The following TMEM200A variants were observed in gnomAD, a reference collection of about 807,000 sequenced individuals.
TMEM200A encodes transmembrane protein 200A.
A neutral mutation model predicts 24.3 loss-of-function variants in TMEM200A; 12 were observed. The observed-to-expected ratio is 0.49, with a 90% CI of 0.32 to 0.80. TMEM200A has a LOEUF of 0.80. TMEM200A is among the 30% of genes least tolerant of loss of function. TMEM200A has a pLI of 0.04. For synonymous variants in TMEM200A, 224 were observed against 224.4 expected, an observed-to-expected ratio of 1.00 and a Z score of 0.02; for missense variants, 545 against 614.4, an observed-to-expected ratio of 0.89 and a Z score of 1.19.
At chr6:130,369,288 A>G (rs1778257969) in intron 1 of TMEM200A, among the ~76,000 whole-genome samples, 1 of 152,212 alleles carries the variant, frequency 6.6e-6, no homozygotes. Flanking sequence ...GCTGGGACTA[A>G]TACTGCAAAG....
intron 2 of TMEM200A, among the ~76,000 whole-genome samples, chr6:130,433,136 CT>C (rs34311658): frequency 3.8e-3 from 520 of 138,312 alleles, no homozygotes; most frequent in African/African-American, 4.8e-3. Context: ...AAAAGATGAT[CT>C]TTTTTTTTTT....
At position 130,441,156 on chromosome 6, in the gene TMEM200A, C is replaced by A; in HGVS notation, c.734C>A (p.Pro245His). ...AAGAGTTCTGGGCATCTTATGCCCCCTTTGCTCTCTGACAGCTCTGTGTCT... is the reference window on the plus strand; with the variant it reads ...AAGAGTTCTGGGCATCTTATGCCCCATTTGCTCTCTGACAGCTCTGTGTCT... The part of the protein sequence containing the change: ...EGKSSGHLMP[P>H]LLSDSSVSVF... The change falls in exon 3 of 3, where the codon CCT (proline) becomes CAT (histidine). Residue 245 changes from proline to histidine, a missense_variant. Pro to His is a moderately conservative substitution (Grantham distance 77). Transcript: ENST00000296978. The A allele has an allele frequency of 6.2e-7, 1 of 1,614,058 alleles. No individual in the cohort carries two copies. The highest frequency in any genetic ancestry group is 1.7e-5 in the Admixed American group (1 of 60,018).
chr6:130,428,605 T>C (rs546322855), intron 2 of TMEM200A, among the ~76,000 whole-genome samples: 1 of 152,280 alleles, frequency 6.6e-6, no homozygotes, highest in South Asian at 2.1e-4. Context: ...ACTTCAGTGG[T>C]GAAACAATAG....
intron 2 of TMEM200A, chr6:130,438,103 T>C (rs1002058558): frequency 2.0e-5 from 3 of 152,208 alleles, no homozygotes; most frequent in Admixed American, 1.3e-4. Flanking sequence ...ACATTTGAAA[T>C]GGTTTTTGCT....
chr6:130,365,605 A>G, upstream of TMEM200A: 1 of 985,262 alleles, frequency 1.0e-6, no homozygotes, highest in Non-Finnish European at 1.2e-6. Context: ...GAACTGGGGG[A>G]GCCGGGTCCC....
intron 1 of TMEM200A, chr6:130,383,155 G>T: frequency 1.4e-6 from 1 of 705,520 alleles, no homozygotes; most frequent in Non-Finnish European, 1.7e-6. Flanking sequence ...GTTGTCCGTA[G>T]CATCGGGCAA....
intron 2 of TMEM200A, among the ~76,000 whole-genome samples, chr6:130,416,706 C>T (rs780838174): frequency 6.6e-6 from 1 of 152,092 alleles, no homozygotes; most frequent in Non-Finnish European, 1.5e-5. Context: ...TTTTTTGCCC[C>T]TTTCCATACA....
At chr6:130,368,566 C>G (rs1265046875) in intron 1 of TMEM200A, among the ~76,000 whole-genome samples, 1 of 152,156 alleles carries the variant, frequency 6.6e-6, no homozygotes, top group Non-Finnish European at 1.5e-5. Flanking sequence ...CCACTTGTTC[C>G]TGGACTTACG....
In TMEM200A at chr6:130,366,089, C is replaced by G. The variant is rs2115054639; in HGVS notation, c.-516C>G. 1 of 985,694 alleles carries G rather than the reference C, an allele frequency of 1.0e-6. No homozygotes were observed. The allele number at this position is 985,694 out of a possible 1,614,324, so 61.1% of individuals were successfully genotyped here. A position where few individuals can be genotyped will look rare whatever the true frequency, so the allele number is the denominator to read the frequency against. On this transcript the variant is annotated 5_prime_UTR_variant, in exon 1 of 3. Coordinates refer to ENST00000296978, the MANE Select transcript of TMEM200A (RefSeq NM_001258277.2). The surrounding 1 kb of genome is among the most constrained non-coding windows in gnomAD (Gnocchi z 4.4). ...TTGTCTTTCTTGGACGCGGTGGCGGCGCCGCCTGAGCGGCGACTCCCTCTC... is the reference window on the plus strand; with the variant it reads ...TTGTCTTTCTTGGACGCGGTGGCGGGGCCGCCTGAGCGGCGACTCCCTCTC...
At chr6:130,429,470 C>T (rs922604510) in intron 2 of TMEM200A, among the ~76,000 whole-genome samples, 3 of 152,144 alleles carry the variant, frequency 2.0e-5, no homozygotes, top group Non-Finnish European at 4.4e-5. Context: ...GACCCAAATA[C>T]ATACTGGATT....
Position 130,440,735 on chromosome 6 carries a change from A to G in TMEM200A, c.313A>G (p.Ile105Val), listed in dbSNP as rs774068784. 6 of 1,613,976 alleles carry G rather than the reference A, an allele frequency of 3.7e-6. No homozygotes were observed. In the South Asian group the frequency reaches 5.5e-5, roughly 15 times the overall value. Residue 105 changes from isoleucine to valine, a missense_variant, in exon 3 of 3, where the codon ATT becomes GTT. Physicochemically the swap from Ile to Val is conservative, Grantham distance 29. Coordinates refer to ENST00000296978, the MANE Select transcript of TMEM200A (RefSeq NM_001258277.2). ...ACTGTCAACAAATGAAACTCAGGTC[A>G]TTCGGAATGAAGGCGGTGTGGTGGT... is the stretch of plus-strand genomic sequence containing the variant. ...TTLSTNETQV[I>V]RNEGGVVVRF...
intron 1 of TMEM200A, among the ~76,000 whole-genome samples, chr6:130,380,257 C>T (rs967504541): frequency 1.3e-5 from 2 of 152,210 alleles, no homozygotes; most frequent in African/African-American, 4.8e-5. Flanking sequence ...AGGTTAATTT[C>T]ATGATCATGC....
chr6:130,423,726 A>T (rs1779658818), intron 2 of TMEM200A, among the ~76,000 whole-genome samples: 1 of 152,106 alleles, frequency 6.6e-6, no homozygotes. Flanking sequence ...CAATAAAGAG[A>T]AAAAACACCA....
Position 130,440,756 on chromosome 6 carries a change from G to T in TMEM200A, c.334G>T (p.Val112Leu). The change falls in exon 3 of 3, where the codon GTG becomes TTG. Residue 112 changes from valine (V) to leucine (L), a missense_variant. Val to Leu is a conservative substitution (Grantham distance 32). Coordinates refer to ENST00000296978, the MANE Select transcript of TMEM200A (RefSeq NM_001258277.2). ...GGTCATTCGGAATGAAGGCGGTGTG[G>T]TGGTTCGCTTCTTTGAGCAGCATTT... ...TQVIRNEGGV[V>L]VRFFEQHLHS... The T allele has an allele frequency of 6.2e-7, 1 of 1,613,966 alleles. No homozygotes were observed. The highest frequency in any genetic ancestry group is 8.5e-7 in the Non-Finnish European group (1 of 1,179,964).
At chr6:130,410,814 A>T (rs1439052621) in intron 2 of TMEM200A, among the ~76,000 whole-genome samples, 3 of 152,214 alleles carry the variant, frequency 2.0e-5, no homozygotes, top group African/African-American at 7.2e-5. Context: ...AGCTCTAGGA[A>T]AGCCACAGTA....
chr6:130,378,446 G>A (rs936984190), intron 1 of TMEM200A, among the ~76,000 whole-genome samples: 15 of 152,100 alleles, frequency 9.9e-5, no homozygotes, highest in Middle Eastern at 3.4e-3. Context: ...GATCTTGGCC[G>A]GGCATGGTGG....
At chr6:130,411,200 T>C (rs773805317) in intron 2 of TMEM200A, among the ~76,000 whole-genome samples, 21 of 152,128 alleles carry the variant, frequency 1.4e-4, no homozygotes, top group Non-Finnish European at 2.6e-4. Flanking sequence ...GCATCTTACA[T>C]TGACGCTTGA....
At chr6:130,378,650 G>C (rs968508941) in intron 1 of TMEM200A, among the ~76,000 whole-genome samples, 1 of 150,910 alleles carries the variant, frequency 6.6e-6, no homozygotes, top group Non-Finnish European at 1.5e-5. Flanking sequence ...TTGAACCCGA[G>C]AGGTGGATGT....
Position 130,441,088 on chromosome 6 carries a change from G to A in TMEM200A, c.666G>A (p.Met222Ile), listed in dbSNP as rs766067001. 10 of 1,613,846 alleles carry A rather than the reference G, an allele frequency of 6.2e-6. No individual in the cohort carries two copies. Among genetic ancestry groups the A allele is most frequent in the Non-Finnish European group, 8.5e-6 (10 of 1,179,986 alleles). The change falls in exon 3 of 3, where the codon ATG (methionine) becomes ATA (isoleucine). Residue 222 changes from methionine (M) to isoleucine (I), a missense_variant. Met to Ile is a conservative substitution (Grantham distance 10, BLOSUM62 1). Transcript: ENST00000296978. ...SFSGFRSSFR[M>I]DSSVEEDELM... is the part of the protein sequence containing the mutation. ...CGGGTTTTCGGAGCAGTTTTCGAAT[G>A]GACAGCTCCGTGGAGGAGGATGAAC...
Sources: allele counts gnomAD v4.1 joint callset (sites outside exome capture counted in the v4.1 genomes callset), GRCh38; gene constraint gnomAD v4.1.1; non-coding constraint Gnocchi (gnomAD v3.1); transcripts MANE v1.5; gene names NCBI Gene and HGNC (gene_info 2026-07-23, HGNC 2026-07-21).